Variants in MICAL2 observed in about 807,000 individuals in gnomAD.
MICAL2 encodes the protein microtubule associated monooxygenase, calponin and LIM domain containing 2.
In MICAL2, 77 loss-of-function variants were observed where a neutral mutation model predicts 127.3. That is an observed-to-expected ratio of 0.60 (90% CI 0.50 to 0.73). The LOEUF is 0.73. Among genes scored for constraint, MICAL2 ranks in the 30% least tolerant of loss-of-function variants. The pLI is 0.00. For synonymous variants in MICAL2, 570 were observed against 551.1 expected, an observed-to-expected ratio of 1.03 and a Z score of -0.48; for missense variants, 1,351 against 1,434.4, an observed-to-expected ratio of 0.94 and a Z score of 0.94.
intron 2 of MICAL2, among the ~76,000 whole-genome samples, chr11:12,159,960 G>A (rs1390330630): frequency 6.6e-6 from 1 of 152,196 alleles, no homozygotes; most frequent in East Asian, 1.9e-4. Context: ...CCAGTCTACT[G>A]AAGTTGCTGA....
At chr11:12,171,755 A>G (rs1856283334) in intron 3 of MICAL2, among the ~76,000 whole-genome samples, 1 of 152,222 alleles carries the variant, frequency 6.6e-6, no homozygotes, top group Admixed American at 6.5e-5. Context: ...CAGTAGCTAT[A>G]TTCTCTGATT....
chr11:12,307,617 T>C (rs1237743916), intron 29 of MICAL2, among the ~76,000 whole-genome samples: 1 of 152,210 alleles, frequency 6.6e-6, no homozygotes, highest in Non-Finnish European at 1.5e-5. Flanking sequence ...AATGCAAGAT[T>C]CTAGTTAATT....
intron 21 of MICAL2, among the ~76,000 whole-genome samples, chr11:12,247,462 G>A (rs1860911260): frequency 6.6e-6 from 1 of 152,206 alleles, no homozygotes; most frequent in Admixed American, 6.5e-5. Flanking sequence ...GAATGATGGA[G>A]GACCTCTTAG....
At chr11:12,360,960 G>C (rs77982757), downstream of MICAL2, among the ~76,000 whole-genome samples, 12 of 152,298 alleles carry the variant, frequency 7.9e-5, no homozygotes, top group East Asian at 2.3e-3. Flanking sequence ...ATTTACAAGA[G>C]AGAGCATTCT....
At chr11:12,333,231 C>T (rs1336246907) in intron 32 of MICAL2, among the ~76,000 whole-genome samples, 1 of 152,042 alleles carries the variant, frequency 6.6e-6, no homozygotes, top group Non-Finnish European at 1.5e-5. Context: ...GTTTTTAAAT[C>T]TGGCAATCTA....
chr11:12,163,786 A>C (rs906464057), intron 3 of MICAL2: 1 of 152,252 alleles, frequency 6.6e-6, no homozygotes, highest in South Asian at 2.1e-4. Flanking sequence ...TTCATGGTTC[A>C]GAGTTCACGG....
chr11:12,310,262 C>T (rs1665951437), intron 29 of MICAL2, among the ~76,000 whole-genome samples: 1 of 152,080 alleles, frequency 6.6e-6, no homozygotes, highest in African/African-American at 2.4e-5. Flanking sequence ...AGACCAATGT[C>T]CTATAGCGCT....
chr11:12,235,161 C>T (rs564602018), intron 15 of MICAL2, among the ~76,000 whole-genome samples: 9 of 152,218 alleles, frequency 5.9e-5, no homozygotes, highest in East Asian at 3.9e-4. Flanking sequence ...GACCCTAGCC[C>T]AGCGACAAGG....
exon 2 of MICAL2, chr11:12,281,046 C>T (rs1590719509): frequency 2.5e-6 from 1 of 399,042 alleles, no homozygotes. Context: ...CTAGGGGAGG[C>T]CCTGAGCAGG....
chr11:12,324,984 C>T (rs1864338951), intron 31 of MICAL2, among the ~76,000 whole-genome samples: 1 of 152,206 alleles, frequency 6.6e-6, no homozygotes, highest in Non-Finnish European at 1.5e-5. Context: ...AATGCCTCTT[C>T]CTTGTATTTT....
At chr11:12,341,308 C>A (rs1938859986) in intron 32 of MICAL2, among the ~76,000 whole-genome samples, 1 of 152,024 alleles carries the variant, frequency 6.6e-6, no homozygotes, top group South Asian at 2.1e-4. Flanking sequence ...TGAATTAGGA[C>A]TTCTCACAGA....
chr11:12,247,348 C>A (rs1565244068), intron 21 of MICAL2, among the ~76,000 whole-genome samples: 1 of 152,178 alleles, frequency 6.6e-6, no homozygotes, highest in Non-Finnish European at 1.5e-5. Context: ...TTAAAAAATT[C>A]TTTCTCCCTA....
At chr11:12,296,179 C>T (rs1458458612), downstream of MICAL2, among the ~76,000 whole-genome samples, 2 of 151,886 alleles carry the variant, frequency 1.3e-5, no homozygotes, top group Non-Finnish European at 2.9e-5. Flanking sequence ...TCTTTTTTGT[C>T]GTTGATACTT....
chr11:12,354,904 C>T (rs1234353077), intron 34 of MICAL2: 7 of 1,563,936 alleles, frequency 4.5e-6, no homozygotes, highest in Non-Finnish European at 5.3e-6. Flanking sequence ...TAGAAAGGCT[C>T]CTGAGCAGCG....
At chr11:12,139,731 G>T (rs1302533277) in intron 2 of MICAL2, among the ~76,000 whole-genome samples, 1 of 152,196 alleles carries the variant, frequency 6.6e-6, no homozygotes, top group Non-Finnish European at 1.5e-5. Flanking sequence ...CCCCTCTCTG[G>T]AGAAACAGAA....
At chr11:12,224,150 T>C (rs1857139307) in intron 12 of MICAL2, among the ~76,000 whole-genome samples, 1 of 152,210 alleles carries the variant, frequency 6.6e-6, no homozygotes, top group Non-Finnish European at 1.5e-5. Flanking sequence ...ATAGCAGGTT[T>C]TTCTAGATTC....
At chr11:12,158,674 AC>A (rs1177543648) in intron 2 of MICAL2, among the ~76,000 whole-genome samples, 1 of 152,226 alleles carries the variant, frequency 6.6e-6, no homozygotes, top group Non-Finnish European at 1.5e-5. Context: ...TTATATGCAA[AC>A]ATGGCATCAT....
intron 3 of MICAL2, among the ~76,000 whole-genome samples, chr11:12,182,296 C>T (rs1450455857): frequency 2.6e-5 from 4 of 152,070 alleles, no homozygotes; most frequent in South Asian, 2.1e-4. Flanking sequence ...ATAGAGGGGT[C>T]AGGAGCCATG....
intron 29 of MICAL2, chr11:12,319,671 T>C (rs1188963318): frequency 2.6e-6 from 4 of 1,526,476 alleles, no homozygotes; most frequent in Non-Finnish European, 2.7e-6. Context: ...TAGCAGTTCA[T>C]TGAGTTTTTC....
Sources: gnomAD v4.1 joint callset for allele counts (sites outside exome capture counted in the v4.1 genomes callset) on GRCh38, gnomAD v4.1.1 for gene constraint, MANE v1.5 for transcripts, NCBI Gene and HGNC (gene_info 2026-07-23, HGNC 2026-07-21) for gene names.